C1QTNF7: variants seen among roughly 807,000 people sequenced by gnomAD.
The protein encoded by C1QTNF7 is C1q and TNF related 7.
A neutral mutation model predicts 19.6 loss-of-function variants in C1QTNF7; 15 were observed. The observed-to-expected ratio is 0.76, with a 90% CI of 0.51 to 1.18. C1QTNF7 has a LOEUF of 1.18. Ranked by LOEUF, C1QTNF7 falls within the 50% of genes most tolerant of loss-of-function variation. The probability of loss-of-function intolerance (pLI) is 0.00; values close to 1 mark genes in which losing one functional copy is unlikely to be tolerated. For synonymous variants in C1QTNF7, 142 were observed against 137.5 expected, an observed-to-expected ratio of 1.03 and a Z score of -0.23; for missense variants, 324 against 359.7, an observed-to-expected ratio of 0.90 and a Z score of 0.80.
At chr4:15,398,562 C>G (rs778264803) in intron 1 of C1QTNF7, among the ~76,000 whole-genome samples, 1 of 152,196 alleles carries the variant, frequency 6.6e-6, no homozygotes, top group African/African-American at 2.4e-5. Context: ...TCTGAGTAGA[C>G]AAGCCCTACT....
intron 1 of C1QTNF7, among the ~76,000 whole-genome samples, chr4:15,370,529 CAG>C (rs1560345136): frequency 4.0e-5 from 6 of 151,276 alleles, no homozygotes. Flanking sequence ...TCTGTTCCCT[CAG>C]AGAGAGAGAG....
At position 15,415,611 on chromosome 4, in the gene C1QTNF7, T is replaced by A. The variant is rs1287548413; in HGVS notation, c.14-20125T>A. 5.1e-5 allele frequency among the ~76,000 whole-genome samples: 7 copies of A among 137,150 alleles called. No homozygotes were observed. In the East Asian group the frequency reaches 1.7e-3, roughly 33 times the overall value. The allele number at this position is 137,150 out of a possible 152,430, so 90.0% of individuals were successfully genotyped here. ...TTGGTATTGGGCCTTCTCTTTTTTT[T>A]ATTTGATGCATATATATATATATAT... On this transcript the variant is annotated intron_variant, in intron 1 of 2. Coordinates refer to the C1QTNF7 transcript ENST00000295297.
At chr4:15,381,436 A>AT (rs11462355) in intron 1 of C1QTNF7, among the ~76,000 whole-genome samples, 1 of 151,138 alleles carries the variant, frequency 6.6e-6, no homozygotes, top group Non-Finnish European at 1.5e-5. Context: ...AAAAAAAAAA[A>AT]TTGTGAACAT....
At chr4:15,357,106 TC>T (rs1717173335) in intron 1 of C1QTNF7, among the ~76,000 whole-genome samples, 1 of 152,196 alleles carries the variant, frequency 6.6e-6, no homozygotes, top group South Asian at 2.1e-4. Flanking sequence ...TTTAATTAGA[TC>T]CCATTTGTCA....
chr4:15,395,307 A>G (rs1718743255), intron 1 of C1QTNF7, among the ~76,000 whole-genome samples: 1 of 152,130 alleles, frequency 6.6e-6, no homozygotes, highest in Non-Finnish European at 1.5e-5. Context: ...GAATTCCATA[A>G]AAGAGATGGT....
chr4:15,395,650 G>C (rs1171664871), intron 1 of C1QTNF7, among the ~76,000 whole-genome samples: 1 of 152,184 alleles, frequency 6.6e-6, no homozygotes, highest in Non-Finnish European at 1.5e-5. Flanking sequence ...TGAGAAAATA[G>C]AGAAAGGCAG....
Position 15,344,565 on chromosome 4 carries a change from C to T in C1QTNF7, c.13+4358C>T, listed in dbSNP as rs113370886. Among the ~76,000 whole-genome samples the T allele has an allele frequency of 1.8e-4, 28 of 152,262 alleles. 1 individual carries two copies. The highest frequency in any genetic ancestry group is 6.5e-4 in the African/African-American group (27 of 41,548). On this transcript the variant is annotated intron_variant, in intron 1 of 2. Transcript: ENST00000295297. ...TGTAAAATGGGAAGGGTAGGAGGGG[C>T]TAGTTGACCTCTGAGGTCTCTCTGA...
intron 1 of C1QTNF7, among the ~76,000 whole-genome samples, chr4:15,401,880 G>GAC (rs1719008312): frequency 6.6e-6 from 1 of 152,044 alleles, no homozygotes; most frequent in African/African-American, 2.4e-5. Flanking sequence ...GAAAGAAACA[G>GAC]TGTGATAAAA....
intron 1 of C1QTNF7, among the ~76,000 whole-genome samples, chr4:15,342,871 TCA>T (rs1716593057): frequency 6.6e-6 from 1 of 152,288 alleles, no homozygotes; most frequent in Middle Eastern, 3.4e-3. Context: ...GGCTTAGGGG[TCA>T]CAAACATCTG....
chr4:15,355,808 T>G (rs1717124763), intron 1 of C1QTNF7, among the ~76,000 whole-genome samples: 1 of 152,118 alleles, frequency 6.6e-6, no homozygotes, highest in African/African-American at 2.4e-5. Flanking sequence ...ACAAAAACCC[T>G]TTGCCCAGTT....
chr4:15,431,554 A>G (rs1712309343), intron 1 of C1QTNF7, among the ~76,000 whole-genome samples: 2 of 152,252 alleles, frequency 1.3e-5, no homozygotes, highest in Admixed American at 6.5e-5. Context: ...AAAACAACTC[A>G]AGTTTTGTAT....
intron 1 of C1QTNF7, among the ~76,000 whole-genome samples, chr4:15,418,961 T>C (rs1481552426): frequency 6.6e-6 from 1 of 152,170 alleles, no homozygotes; most frequent in Non-Finnish European, 1.5e-5. Flanking sequence ...CAAATGCCAA[T>C]ACCATTGTGG....
intron 1 of C1QTNF7, among the ~76,000 whole-genome samples, chr4:15,363,677 G>A (rs1717418482): frequency 6.6e-6 from 1 of 152,186 alleles, no homozygotes; most frequent in Non-Finnish European, 1.5e-5. Context: ...CCAGACAAAT[G>A]AGGCTTCTGT....
chr4:15,372,762 T>A (rs1717780689), intron 1 of C1QTNF7, among the ~76,000 whole-genome samples: 2 of 152,198 alleles, frequency 1.3e-5, no homozygotes, highest in African/African-American at 2.4e-5. Flanking sequence ...TGCCTTTCTG[T>A]GTGACTGAAC....
At chr4:15,373,687 C>G (rs1333940637) in intron 1 of C1QTNF7, 1 of 152,182 alleles carries the variant, frequency 6.6e-6, no homozygotes, top group East Asian at 1.9e-4. Context: ...TTCTGAGGCA[C>G]ATGTTAAGAT....
At chr4:15,372,015 TGTC>T (rs1286402101) in intron 1 of C1QTNF7, among the ~76,000 whole-genome samples, 2 of 152,178 alleles carry the variant, frequency 1.3e-5, no homozygotes, top group Admixed American at 6.5e-5. Flanking sequence ...GCAGGGTTCT[TGTC>T]GTCATGGTTT....
intron 1 of C1QTNF7, among the ~76,000 whole-genome samples, chr4:15,392,406 T>C (rs1234883112): frequency 6.6e-6 from 1 of 152,198 alleles, no homozygotes; most frequent in Non-Finnish European, 1.5e-5. Context: ...TAACTGCCAG[T>C]GTGTGAACCA....
chr4:15,432,070 C>T (rs778169048), intron 1 of C1QTNF7, among the ~76,000 whole-genome samples: 9 of 152,014 alleles, frequency 5.9e-5, no homozygotes, highest in East Asian at 1.9e-4. Context: ...TTAGACAATG[C>T]GAAGAGACAC....
intron 1 of C1QTNF7, among the ~76,000 whole-genome samples, chr4:15,415,241 G>T (rs1719556393): frequency 6.6e-6 from 1 of 152,164 alleles, no homozygotes; most frequent in Admixed American, 6.5e-5. Context: ...GGAAGAGAAG[G>T]AGCTAGAGTT....
Sources: gnomAD v4.1 joint callset for allele counts (sites outside exome capture counted in the v4.1 genomes callset) on GRCh38, gnomAD v4.1.1 for gene constraint, MANE v1.5 for transcripts, NCBI Gene and HGNC (gene_info 2026-07-23, HGNC 2026-07-21) for gene names.